HIP1: variants seen among roughly 807,000 people sequenced by gnomAD.
HIP1 encodes the protein huntingtin interacting protein 1.
HIP1 carries 65 observed loss-of-function variants against 147.6 expected under a neutral mutation model. That is an observed-to-expected ratio of 0.44 (90% confidence interval 0.36 to 0.54). HIP1 has a LOEUF of 0.54. HIP1 is among the 20% of genes least tolerant of loss of function. The pLI is 0.00. For missense variants in HIP1, 1,061 were observed against 1,299.6 expected, an observed-to-expected ratio of 0.82 and a Z score of 2.82; for synonymous variants, 479 against 504.0, an observed-to-expected ratio of 0.95 and a Z score of 0.67.
chr7:75,656,390 C>T (rs893377503), intron 1 of HIP1, among the ~76,000 whole-genome samples: 1 of 148,810 alleles, frequency 6.7e-6, no homozygotes, highest in Non-Finnish European at 1.5e-5. Flanking sequence ...AACATCCTAG[C>T]TTGCGTAAGG....
rs143880784 is a variant in HIP1 at position 75,536,030 on chromosome 7, G to T, written c.*2142C>A. The T allele has an allele frequency of 5.1e-3, 939 of 182,678 alleles. 9 individuals are homozygous for T. Among genetic ancestry groups the T allele is most frequent in the African/African-American group, 0.021 (899 of 42,554 alleles). The allele number at this position is 182,678 out of a possible 1,614,324, so 11.3% of individuals were successfully genotyped here. A position where few individuals can be genotyped will look rare whatever the true frequency, so the allele number is the denominator to read the frequency against. The stretch of plus-strand genomic sequence containing the variant: ...TGCCCGGCCACCCCTTGGTAATTGG[G>T]AACATATGAGTTAGAATGGCTGAGA... On this transcript the variant is annotated 3_prime_UTR_variant, in exon 31 of 31. Coordinates refer to ENST00000336926, the MANE Select transcript of HIP1 (RefSeq NM_005338.7).
chr7:75,638,818 G>A (rs1304211956), intron 1 of HIP1, among the ~76,000 whole-genome samples: 5 of 152,182 alleles, frequency 3.3e-5, no homozygotes, highest in Non-Finnish European at 5.9e-5. Flanking sequence ...CGATCTCCCG[G>A]GCAGCCCGGC....
chr7:75,602,605 C>T (rs1182179055), intron 1 of HIP1, among the ~76,000 whole-genome samples: 1 of 143,652 alleles, frequency 7.0e-6, no homozygotes, highest in South Asian at 2.2e-4. Context: ...TGAGTTCAAG[C>T]GATTCTCTCA....
chr7:75,579,125 A>AT (rs1554498173), intron 7 of HIP1, among the ~76,000 whole-genome samples: 1 of 151,194 alleles, frequency 6.6e-6, no homozygotes, highest in Non-Finnish European at 1.5e-5. Flanking sequence ...GCCCCAATGC[A>AT]TTTTTTAAAA....
At chr7:75,670,859 C>T (rs1210680747) in intron 1 of HIP1, among the ~76,000 whole-genome samples, 3 of 143,680 alleles carry the variant, frequency 2.1e-5, no homozygotes, top group African/African-American at 2.6e-5. Context: ...TCGGCTTAAG[C>T]GATCCTCCTA....
In HIP1 at chr7:75,537,930, A is replaced by T; in HGVS notation, c.*242T>A. On this transcript the variant is annotated 3_prime_UTR_variant, in exon 31 of 31. Transcript: ENST00000336926. ...GTACCTAGGCTTGCTCATGGGCAGC[A>T]CTGGCCAGCCTGGATGCTAACTAGG... is the stretch of plus-strand genomic sequence containing the variant. 1.8e-6 allele frequency: 1 copy of T among 554,296 alleles called. No homozygotes were observed. The highest frequency in any genetic ancestry group is 2.1e-5 in the South Asian group (1 of 48,768). 34.3% of individuals were successfully genotyped at this position (554,296 alleles called of 1,614,324 possible). A position where few individuals can be genotyped will look rare whatever the true frequency, so the allele number is the denominator to read the frequency against.
intron 1 of HIP1, among the ~76,000 whole-genome samples, chr7:75,737,243 G>A (rs1802052532): frequency 6.6e-6 from 1 of 151,746 alleles, no homozygotes; most frequent in Non-Finnish European, 1.5e-5. Context: ...TTTATTTTTT[G>A]TAGAGACAGG....
intron 7 of HIP1, among the ~76,000 whole-genome samples, chr7:75,576,688 G>A (rs587701058): frequency 6.6e-6 from 1 of 152,016 alleles, no homozygotes; most frequent in African/African-American, 2.4e-5. Context: ...CAGCCTGAAC[G>A]ACAGAGCAAG....
intron 5 of HIP1, among the ~76,000 whole-genome samples, chr7:75,583,064 G>A (rs1003222684): frequency 2.0e-5 from 3 of 151,854 alleles, no homozygotes; most frequent in African/African-American, 2.4e-5. Flanking sequence ...TGGCTGCATC[G>A]CCCAGGCCTC....
chr7:75,544,096 C>T (rs938782130), intron 27 of HIP1, among the ~76,000 whole-genome samples: 37 of 146,756 alleles, frequency 2.5e-4, no homozygotes, highest in African/African-American at 8.3e-4. Context: ...CACTTGAACC[C>T]GGGAGGCAGA....
At chr7:75,712,935 TACTC>T (rs1382311272) in intron 1 of HIP1, among the ~76,000 whole-genome samples, 3 of 152,224 alleles carry the variant, frequency 2.0e-5, no homozygotes, top group Admixed American at 1.3e-4. Flanking sequence ...TTCATTCACT[TACTC>T]AATTACTCAC....
Position 75,634,049 on chromosome 7 carries a change from A to G in HIP1, c.121-34802T>C, listed in dbSNP as rs1312458892. ...GGTGGGAGAATCGCTTGAGCCCAGG[A>G]GTTCTAGACCATACTGGGCAACATA... On this transcript the variant is annotated intron_variant, in intron 1 of 30. Transcript: ENST00000336926. Among the ~76,000 whole-genome samples the G allele has an allele frequency of 4.6e-5, 7 of 152,202 alleles. No homozygotes were observed. The East Asian group carries it at 9.6e-4, about 21-fold the overall frequency.
chr7:75,632,223 T>C (rs1220704935), intron 1 of HIP1, among the ~76,000 whole-genome samples: 1 of 152,166 alleles, frequency 6.6e-6, no homozygotes, highest in Non-Finnish European at 1.5e-5. Flanking sequence ...AGACAAGGAC[T>C]CAGCCATCCT....
At chr7:75,577,155 A>C (rs1471876971) in intron 7 of HIP1, among the ~76,000 whole-genome samples, 6 of 151,808 alleles carry the variant, frequency 4.0e-5, no homozygotes, top group African/African-American at 1.5e-4. Flanking sequence ...ATATAGCAAG[A>C]CCCCATCTCT....
intron 9 of HIP1, among the ~76,000 whole-genome samples, chr7:75,563,819 G>A (rs1394110783): frequency 6.6e-6 from 1 of 152,202 alleles, no homozygotes; most frequent in Non-Finnish European, 1.5e-5. Flanking sequence ...AACACTTGGA[G>A]AATTACAATC....
At chr7:75,595,523 T>C (rs983881974) in intron 2 of HIP1, among the ~76,000 whole-genome samples, 2 of 151,836 alleles carry the variant, frequency 1.3e-5, no homozygotes, top group East Asian at 1.9e-4. Flanking sequence ...TTGTTTTTTT[T>C]AGTAGAGACG....
At chr7:75,709,109 C>CTTTTTTTTTTTTTTTTTT (rs55720152) in intron 1 of HIP1, among the ~76,000 whole-genome samples, 25 of 131,400 alleles carry the variant, frequency 1.9e-4, no homozygotes, top group Non-Finnish European at 2.4e-4. Flanking sequence ...TTTTTCTTTT[C>CTTTTTTTTTTTTTTTTTT]TTTTTTTTTT....
intron 1 of HIP1, among the ~76,000 whole-genome samples, chr7:75,679,113 C>T (rs1799983768): frequency 6.6e-6 from 1 of 152,160 alleles, no homozygotes; most frequent in Admixed American, 6.6e-5. Flanking sequence ...CCCCCTTCTT[C>T]CTTTCCCAAT....
At chr7:75,618,017 G>A (rs782451495) in intron 1 of HIP1, among the ~76,000 whole-genome samples, 8 of 152,224 alleles carry the variant, frequency 5.3e-5, no homozygotes, top group Non-Finnish European at 8.8e-5. Flanking sequence ...AGCTCCCGGG[G>A]GAAGCCTTCC....
Sources: gnomAD v4.1 joint callset for allele counts (sites outside exome capture counted in the v4.1 genomes callset) on GRCh38, gnomAD v4.1.1 for gene constraint, MANE v1.5 for transcripts, NCBI Gene and HGNC (gene_info 2026-07-23, HGNC 2026-07-21) for gene names.